NAALADL2: variants seen among roughly 807,000 people sequenced by gnomAD.
NAALADL2 encodes inactive N-acetylated-alpha-linked acidic dipeptidase-like protein 2.
NAALADL2 carries 76 observed loss-of-function variants against 87.2 expected under a neutral mutation model. The ratio of observed to expected loss-of-function variants is 0.87; its 90% confidence interval spans 0.72 to 1.05. NAALADL2 has a LOEUF of 1.05. NAALADL2 is among the 50% of genes least tolerant of loss of function. The pLI is 0.00. For missense variants in NAALADL2, 1,089 were observed against 945.8 expected, an observed-to-expected ratio of 1.15 and a Z score of -1.99; for synonymous variants, 354 against 331.0, an observed-to-expected ratio of 1.07 and a Z score of -0.75.
At chr3:175,024,339 A>T (rs1751949009) in intron 1 of NAALADL2, among the ~76,000 whole-genome samples, 1 of 152,116 alleles carries the variant, frequency 6.6e-6, no homozygotes. Flanking sequence ...TCAGGTACTG[A>T]AAAGCAACAA....
chr3:175,764,336 G>A (rs1341166639), intron 13 of NAALADL2, among the ~76,000 whole-genome samples: 2 of 151,994 alleles, frequency 1.3e-5, no homozygotes, highest in Non-Finnish European at 2.9e-5. Flanking sequence ...GGCATAATCA[G>A]GAGTTTGGAG....
intron 2 of NAALADL2, among the ~76,000 whole-genome samples, chr3:174,593,138 G>A (rs1717551740): frequency 6.6e-6 from 1 of 152,078 alleles, no homozygotes; most frequent in African/African-American, 2.4e-5. Context: ...ATCTTGGATG[G>A]TAGCTAATTA....
intron 1 of NAALADL2, among the ~76,000 whole-genome samples, chr3:174,887,249 G>A (rs1730272157): frequency 1.3e-5 from 2 of 148,478 alleles, no homozygotes; most frequent in South Asian, 2.1e-4. Context: ...TTAGTTAAAT[G>A]TAATTTAGAT....
At chr3:175,438,845 A>G (rs183336195) in intron 5 of NAALADL2, among the ~76,000 whole-genome samples, 6 of 152,090 alleles carry the variant, frequency 3.9e-5, no homozygotes, top group Admixed American at 3.3e-4. Context: ...TTATTTATGT[A>G]TTTATGTATT....
At chr3:175,734,282 C>A (rs111747761) in intron 11 of NAALADL2, among the ~76,000 whole-genome samples, 1 of 151,984 alleles carries the variant, frequency 6.6e-6, no homozygotes, top group Non-Finnish European at 1.5e-5. Context: ...GGGCTGGGCG[C>A]GGTGGCTCAC....
At chr3:174,854,456 T>G (rs146637476), upstream of NAALADL2, among the ~76,000 whole-genome samples, 49 of 152,234 alleles carry the variant, frequency 3.2e-4, 1 homozygote, top group South Asian at 4.1e-4. Context: ...AGGAATAAGA[T>G]CTAGTGTTTG....
chr3:174,740,666 A>G (rs1225238386), intron 3 of NAALADL2, among the ~76,000 whole-genome samples: 1 of 151,932 alleles, frequency 6.6e-6, no homozygotes, highest in Non-Finnish European at 1.5e-5. Flanking sequence ...CAAAGAAACC[A>G]GAATAATAAC....
At chr3:175,342,458 T>C (rs1045928143) in intron 5 of NAALADL2, among the ~76,000 whole-genome samples, 1 of 152,006 alleles carries the variant, frequency 6.6e-6, no homozygotes, top group Admixed American at 6.6e-5. Context: ...ATCCTTGTTG[T>C]TTCAGTGTTA....
chr3:174,779,322 G>GT (rs200228189), intron 3 of NAALADL2, among the ~76,000 whole-genome samples: 43,552 of 150,818 alleles, frequency 0.29, 6,306 homozygotes, highest in Middle Eastern at 0.34. Context: ...TTTTGATGGG[G>GT]TTGTTTTTTT....
intron 1 of NAALADL2, among the ~76,000 whole-genome samples, chr3:174,527,259 G>T (rs1720852802): frequency 6.6e-6 from 1 of 152,104 alleles, no homozygotes; most frequent in African/African-American, 2.4e-5. Context: ...AGTGGGTCAG[G>T]CCTGCAATCC....
chr3:175,065,272 C>T (rs1469191754), intron 1 of NAALADL2, among the ~76,000 whole-genome samples: 1 of 152,086 alleles, frequency 6.6e-6, no homozygotes, highest in Admixed American at 6.6e-5. Flanking sequence ...CGTCGGGACT[C>T]CCTTGCTGAA....
At chr3:175,025,294 A>G (rs9856404) in intron 1 of NAALADL2, among the ~76,000 whole-genome samples, 12,182 of 152,194 alleles carry the variant, frequency 0.08, 511 homozygotes, top group Middle Eastern at 0.2. Flanking sequence ...AGGGATGGGT[A>G]AAACTGGTCA....
At chr3:175,652,588 C>T (rs968550634) in intron 11 of NAALADL2, among the ~76,000 whole-genome samples, 5 of 150,964 alleles carry the variant, frequency 3.3e-5, no homozygotes, top group East Asian at 2.0e-4. Context: ...ACGCCATTCT[C>T]CTGCCTCAGC....
At chr3:174,877,662 T>C (rs544301328) in intron 1 of NAALADL2, among the ~76,000 whole-genome samples, 9 of 152,238 alleles carry the variant, frequency 5.9e-5, no homozygotes, top group African/African-American at 1.7e-4. Flanking sequence ...TAAGTGTCTA[T>C]AGCTATCTTA....
intron 9 of NAALADL2, among the ~76,000 whole-genome samples, chr3:175,505,718 G>C (rs1730215999): frequency 6.6e-6 from 1 of 152,148 alleles, no homozygotes; most frequent in Non-Finnish European, 1.5e-5. Context: ...AGGGAAAGGA[G>C]TTTGTCTTAG....
At chr3:174,891,855 TA>T (rs1163682914) in intron 1 of NAALADL2, among the ~76,000 whole-genome samples, 2 of 152,010 alleles carry the variant, frequency 1.3e-5, no homozygotes, top group Non-Finnish European at 2.9e-5. Context: ...AACCCTTCCC[TA>T]ACCCCAGACA....
In NAALADL2 at chr3:175,398,344, CTTTT is replaced by C. The variant is rs776575751; in HGVS notation, c.1091-48866_1091-48863del. The stretch of plus-strand genomic sequence containing the variant: ...TTCTTAATTAGTGATGCTTCTGCTA[CTTTT>C]TTTTTTTTTTTTTTTTTTCCATCCT... On this transcript the variant is annotated intron_variant, in intron 5 of 13. Transcript: ENST00000454872. 2.7e-5 allele frequency among the ~76,000 whole-genome samples: 3 copies of C among 112,090 alleles called. 1 individual carries two copies. The highest frequency in any genetic ancestry group is 1.0e-4 in the African/African-American group (3 of 29,656). The allele number at this position is 112,090 out of a possible 152,430, so 73.5% of individuals were successfully genotyped here.
intron 1 of NAALADL2, among the ~76,000 whole-genome samples, chr3:174,975,503 G>A (rs1306953652): frequency 6.6e-6 from 1 of 152,138 alleles, no homozygotes; most frequent in Non-Finnish European, 1.5e-5. Context: ...TATTTTTAAT[G>A]ACAAAAACCA....
chr3:175,648,699 G>A (rs774334556), intron 11 of NAALADL2, among the ~76,000 whole-genome samples: 39 of 152,010 alleles, frequency 2.6e-4, no homozygotes, highest in Non-Finnish European at 3.8e-4. Context: ...GAGAACTTTC[G>A]TTAGATCAGA....
Sources: gnomAD v4.1 joint callset for allele counts (sites outside exome capture counted in the v4.1 genomes callset) on GRCh38, gnomAD v4.1.1 for gene constraint, MANE v1.5 for transcripts, NCBI Gene and HGNC (gene_info 2026-07-23, HGNC 2026-07-21) for gene names.